SULT1B1: variants seen among roughly 807,000 people sequenced by gnomAD.
SULT1B1 encodes sulfotransferase 1B1.
A neutral mutation model predicts 34.6 loss-of-function variants in SULT1B1; 28 were observed. The ratio of observed to expected loss-of-function variants is 0.81; its 90% confidence interval spans 0.60 to 1.11. The LOEUF (loss-of-function observed/expected upper bound fraction) is 1.11. Among genes scored for constraint, SULT1B1 ranks in the 50% least tolerant of loss-of-function variants. The pLI is 0.00. For synonymous variants in SULT1B1, 147 were observed against 110.2 expected (o/e 1.33, Z -2.09); for missense variants, 374 against 352.2 (o/e 1.06, Z -0.50).
At position 69,725,970 on chromosome 4, in the gene SULT1B1, A is replaced by G. The variant is rs2110014591; in HGVS notation, c.*1118T>C. On this transcript the variant is annotated 3_prime_UTR_variant, in exon 8 of 8. Coordinates refer to ENST00000310613, the MANE Select transcript of SULT1B1 (RefSeq NM_014465.4). ...ACACCAACATGGCACATGTATGCAT[A>G]TATAACAAACCTGCACATTGTGCAC... 6.8e-6 allele frequency: 1 copy of G among 147,278 alleles called. No individual in the cohort carries two copies. The highest frequency in any genetic ancestry group is 2.2e-4 in the South Asian group (1 of 4,554). 9.1% of individuals were successfully genotyped at this position (147,278 alleles called of 1,614,324 possible).
At chr4:69,744,814 G>A (rs1718688137) in intron 4 of SULT1B1, among the ~76,000 whole-genome samples, 1 of 152,162 alleles carries the variant, frequency 6.6e-6, no homozygotes, top group African/African-American at 2.4e-5. Context: ...GAGGTGCAAT[G>A]TTAGGTTGTT....
intron 1 of SULT1B1, among the ~76,000 whole-genome samples, chr4:69,758,742 A>G (rs183735921): frequency 1.3e-5 from 2 of 152,300 alleles, no homozygotes; most frequent in Admixed American, 1.3e-4. Flanking sequence ...AGTAGCTTAT[A>G]TTATATATTT....
Position 69,721,763 on chromosome 4 carries a change from T to A in SULT1B1, c.*5325A>T, listed in dbSNP as rs543672471. The A allele has an allele frequency of 6.6e-6, 1 of 152,282 alleles. No homozygotes were observed. Among genetic ancestry groups the A allele is most frequent in the African/African-American group, 2.4e-5 (1 of 41,584 alleles). The allele number at this position is 152,282 out of a possible 1,614,324, so 9.4% of individuals were successfully genotyped here. On this transcript the variant is annotated 3_prime_UTR_variant, in exon 8 of 8. Transcript: ENST00000310613. Reference sequence around the variant, plus strand: ...GATGAAAAGTTCTTGTAAGCAATGCTTTGGCTTTTTAGAAAATAGCCCTTT... The same window carrying A: ...GATGAAAAGTTCTTGTAAGCAATGCATTGGCTTTTTAGAAAATAGCCCTTT...
rs72648452 is a variant in SULT1B1 at position 69,759,219 on chromosome 4, G to A, written c.-45+1240C>T. Among the ~76,000 whole-genome samples the A allele has an allele frequency of 7.7e-3, 1,173 of 152,244 alleles. 12 individuals are homozygous for A. Among genetic ancestry groups the A allele is most frequent in the Admixed American group, 0.012 (184 of 15,278 alleles). On this transcript the variant is annotated intron_variant, in intron 1 of 7. Coordinates refer to ENST00000310613, the MANE Select transcript of SULT1B1 (RefSeq NM_014465.4). ...AGATTAGGAAACAGATCTTCAGAGC[G>A]TCTGCTCAAAGAAACACAGAAAGGG...
chr4:69,727,882 T>C (rs1717897467), intron 7 of SULT1B1, among the ~76,000 whole-genome samples: 1 of 151,924 alleles, frequency 6.6e-6, no homozygotes, highest in African/African-American at 2.4e-5. Flanking sequence ...GTTTGGAAAA[T>C]GAATAAACTT....
intron 3 of SULT1B1, among the ~76,000 whole-genome samples, chr4:69,750,749 A>G (rs1015739717): frequency 2.0e-5 from 3 of 152,184 alleles, no homozygotes; most frequent in Non-Finnish European, 4.4e-5. Context: ...TGCTTACTGT[A>G]TGTCCCCATG....
intron 7 of SULT1B1, among the ~76,000 whole-genome samples, chr4:69,729,237 G>A (rs1298416200): frequency 6.6e-6 from 1 of 151,932 alleles, no homozygotes; most frequent in Non-Finnish European, 1.5e-5. Flanking sequence ...ACAGACTTGC[G>A]CTGGCCAGGT....
At chr4:69,727,386 A>T (rs1027156883) in intron 7 of SULT1B1, among the ~76,000 whole-genome samples, 186 bp from the exon 8 acceptor site, 2 of 152,050 alleles carry the variant, frequency 1.3e-5, no homozygotes, top group African/African-American at 4.8e-5. Context: ...ATAATTTTTT[A>T]CATCTGGAAA....
chr4:69,736,600 G>GA lies in SULT1B1; in HGVS notation c.376-2337dup, dbSNP rs541223567. 3.6e-4 allele frequency among the ~76,000 whole-genome samples: 54 copies of GA among 150,816 alleles called. No individual in the cohort carries two copies. The East Asian group carries it at 6.0e-3, about 17-fold the overall frequency. On this transcript the variant is annotated intron_variant, in intron 4 of 7. Coordinates refer to ENST00000310613, the MANE Select transcript of SULT1B1 (RefSeq NM_014465.4). Reference sequence around the variant, plus strand: ...GGTATACCCACAAAAGTTAAAAATTGAAAAAAAATTTAAAATAAATGAAAA... The same window carrying GA: ...GGTATACCCACAAAAGTTAAAAATTGAAAAAAAAATTTAAAATAAATGAAAA...
chr4:69,737,432 G>T (rs1228955591), intron 4 of SULT1B1, among the ~76,000 whole-genome samples: 1 of 152,104 alleles, frequency 6.6e-6, no homozygotes, highest in East Asian at 1.9e-4. Flanking sequence ...GGTAAAAATA[G>T]AAGTAAACAT....
intron 7 of SULT1B1, among the ~76,000 whole-genome samples, chr4:69,728,854 T>C (rs775323458): frequency 6.6e-6 from 1 of 152,040 alleles, no homozygotes; most frequent in Non-Finnish European, 1.5e-5. Context: ...GGCAGGTTAA[T>C]TAATGTATTC....
intron 4 of SULT1B1, among the ~76,000 whole-genome samples, chr4:69,738,442 G>A (rs1718403210): frequency 6.6e-6 from 1 of 152,146 alleles, no homozygotes; most frequent in African/African-American, 2.4e-5. Context: ...AGGGTGACAG[G>A]ATGGAGTGAG....
chr4:69,741,103 T>C (rs1718533521), intron 4 of SULT1B1, among the ~76,000 whole-genome samples: 1 of 152,218 alleles, frequency 6.6e-6, no homozygotes, highest in Non-Finnish European at 1.5e-5. Flanking sequence ...TTCTTCATCC[T>C]ACTAGTCATT....
intron 4 of SULT1B1, among the ~76,000 whole-genome samples, chr4:69,748,695 A>G (rs1718847952): frequency 6.6e-6 from 1 of 152,210 alleles, no homozygotes; most frequent in African/African-American, 2.4e-5. Context: ...TTAGAAATCA[A>G]TAACAGAATG....
intron 4 of SULT1B1, among the ~76,000 whole-genome samples, chr4:69,739,148 G>A (rs1398587537): frequency 6.6e-6 from 1 of 152,142 alleles, no homozygotes; most frequent in Non-Finnish European, 1.5e-5. Context: ...ACTCTCAGTG[G>A]ATCCACTATT....
chr4:69,741,946 C>A (rs918879523), intron 4 of SULT1B1, among the ~76,000 whole-genome samples: 1 of 152,072 alleles, frequency 6.6e-6, no homozygotes, highest in Non-Finnish European at 1.5e-5. Flanking sequence ...AAGTGGGCAT[C>A]CTTGTTTTGT....
intron 7 of SULT1B1, 47 bp from the exon 8 acceptor site, chr4:69,727,247 A>G (rs767312023): frequency 1.3e-6 from 2 of 1,488,648 alleles, no homozygotes; most frequent in Non-Finnish European, 1.8e-6. Flanking sequence ...TATTTCCATA[A>G]GAAGAAATCA....
intron 1 of SULT1B1, among the ~76,000 whole-genome samples, chr4:69,756,386 C>G (rs1719194157): frequency 6.6e-6 from 1 of 152,044 alleles, no homozygotes; most frequent in African/African-American, 2.4e-5. Flanking sequence ...CAAGGAGTCC[C>G]CAGACATTTG....
At chr4:69,738,297 T>C (rs981049776) in intron 4 of SULT1B1, among the ~76,000 whole-genome samples, 4 of 152,186 alleles carry the variant, frequency 2.6e-5, no homozygotes, top group Non-Finnish European at 4.4e-5. Context: ...TTCACTCTGC[T>C]ATAAAGAACT....
Sources: gnomAD v4.1 joint callset for allele counts (sites outside exome capture counted in the v4.1 genomes callset) on GRCh38, gnomAD v4.1.1 for gene constraint, MANE v1.5 for transcripts, NCBI Gene and HGNC (gene_info 2026-07-23, HGNC 2026-07-21) for gene names.